PRKG1: variants seen among roughly 807,000 people sequenced by gnomAD.
PRKG1 encodes cGMP-dependent protein kinase 1.
PRKG1 carries 35 observed loss-of-function variants against 88.1 expected under a neutral mutation model. That is an observed-to-expected ratio of 0.40 (90% CI 0.30 to 0.53). The LOEUF is 0.53. Among genes scored for constraint, PRKG1 ranks in the 20% least tolerant of loss-of-function variants. The probability of loss-of-function intolerance (pLI) is 0.59; values close to 1 mark genes in which losing one functional copy is unlikely to be tolerated. For synonymous variants in PRKG1, 303 were observed against 292.5 expected, an observed-to-expected ratio of 1.04 and a Z score of -0.37; for missense variants, 540 against 839.8, an observed-to-expected ratio of 0.64 and a Z score of 4.41.
At chr10:51,759,135 T>C (rs1363336978) in intron 3 of PRKG1, among the ~76,000 whole-genome samples, 6 of 152,296 alleles carry the variant, frequency 3.9e-5, no homozygotes, top group Admixed American at 3.9e-4. Flanking sequence ...TTTGTTATTG[T>C]GAATAGTGCT....
At chr10:51,177,385 G>A (rs1837223094) in intron 2 of PRKG1, among the ~76,000 whole-genome samples, 1 of 152,118 alleles carries the variant, frequency 6.6e-6, no homozygotes, top group Non-Finnish European at 1.5e-5. Flanking sequence ...AACTACAAAT[G>A]TAAATATTTC....
chr10:51,478,197 C>T lies in PRKG1; in HGVS notation c.592+10361C>T, dbSNP rs569786794. On this transcript the variant is annotated intron_variant, in intron 3 of 17. Coordinates refer to ENST00000373980, the MANE Select transcript of PRKG1 (RefSeq NM_006258.4). ...GTATATCAAGGCTTTGGACAAATTA[C>T]GAATAGATGGCTATTGAGCATGCCT... Among the ~76,000 whole-genome samples, 313 of 152,112 alleles carry T rather than the reference C, an allele frequency of 2.1e-3. 2 individuals are homozygous for T. The highest frequency in any genetic ancestry group is 0.01 in the Middle Eastern group (3 of 294).
At chr10:51,747,264 G>A (rs1373656138) in intron 3 of PRKG1, among the ~76,000 whole-genome samples, 1 of 152,160 alleles carries the variant, frequency 6.6e-6, no homozygotes, top group African/African-American at 2.4e-5. Flanking sequence ...TGCCTAGTGT[G>A]AAAAAAGGTG....
At chr10:51,415,117 G>A (rs1320017198) in intron 2 of PRKG1, among the ~76,000 whole-genome samples, 1 of 152,186 alleles carries the variant, frequency 6.6e-6, no homozygotes, top group African/African-American at 2.4e-5. Flanking sequence ...CACAGTCAGC[G>A]TGATCAGTAG....
At chr10:51,317,276 A>G (rs1299685816) in intron 2 of PRKG1, among the ~76,000 whole-genome samples, 1 of 152,196 alleles carries the variant, frequency 6.6e-6, no homozygotes, top group Non-Finnish European at 1.5e-5. Context: ...CTTACAACCT[A>G]CATACTATAG....
At position 51,445,901 on chromosome 10, in the gene PRKG1, G is replaced by A. The variant is rs368270992; in HGVS notation, c.479-21822G>A. 1.3e-4 allele frequency among the ~76,000 whole-genome samples: 19 copies of A among 151,580 alleles called. 1 individual carries two copies. In the South Asian group the frequency reaches 3.3e-3, roughly 27 times the overall value. Reference sequence around the variant, plus strand: ...CTCATCTCTCTGAAGAAATATCTTCGCATTAACCTCTAAACCCTGCTCAAA... The same window carrying A: ...CTCATCTCTCTGAAGAAATATCTTCACATTAACCTCTAAACCCTGCTCAAA... On this transcript the variant is annotated intron_variant, in intron 2 of 17. Transcript: ENST00000373980.
intron 3 of PRKG1, among the ~76,000 whole-genome samples, chr10:51,627,739 T>G (rs923938784): frequency 2.6e-5 from 4 of 152,174 alleles, no homozygotes; most frequent in Non-Finnish European, 5.9e-5. Flanking sequence ...TCTAACTCAC[T>G]GTTTTTCTGA....
At chr10:52,164,162 C>T (rs1447010158) in intron 9 of PRKG1, among the ~76,000 whole-genome samples, 1 of 151,918 alleles carries the variant, frequency 6.6e-6, no homozygotes, top group Admixed American at 6.6e-5. Context: ...ACCAGCCTGG[C>T]CAACATGGTG....
intron 3 of PRKG1, among the ~76,000 whole-genome samples, chr10:51,484,234 A>G (rs372053462): frequency 9.9e-5 from 15 of 152,130 alleles, no homozygotes; most frequent in African/African-American, 2.4e-4. Flanking sequence ...ATAGTAAATT[A>G]TCAAGCCCGT....
chr10:51,775,687 C>T (rs1264382760), intron 3 of PRKG1, among the ~76,000 whole-genome samples: 10 of 151,862 alleles, frequency 6.6e-5, no homozygotes, highest in Admixed American at 5.3e-4. Flanking sequence ...CAGGTTCAAG[C>T]GATTCTCCTG....
intron 9 of PRKG1, among the ~76,000 whole-genome samples, chr10:52,193,915 A>G (rs964899500): frequency 6.6e-6 from 1 of 152,204 alleles, no homozygotes; most frequent in African/African-American, 2.4e-5. Context: ...AGTAGATTTT[A>G]TAAGATTTCT....
chr10:51,370,989 C>T (rs73330486), intron 2 of PRKG1, among the ~76,000 whole-genome samples: 2,449 of 152,212 alleles, frequency 0.016, 50 homozygotes, highest in African/African-American at 0.054. Context: ...GCCCTACACC[C>T]TCTATATTCC....
upstream of PRKG1, among the ~76,000 whole-genome samples, chr10:51,072,230 A>G (rs1843842862): frequency 6.6e-6 from 1 of 152,098 alleles, no homozygotes; most frequent in African/African-American, 2.4e-5. Context: ...AAAAAAAACA[A>G]AGAGAAAATC....
chr10:51,078,956 T>C (rs907577396), intron 1 of PRKG1, among the ~76,000 whole-genome samples: 2 of 152,160 alleles, frequency 1.3e-5, no homozygotes, highest in African/African-American at 4.8e-5. Context: ...AAGAGATTAT[T>C]TAATCTTTTA....
At chr10:51,188,967 G>A (rs1460239514) in intron 2 of PRKG1, among the ~76,000 whole-genome samples, 1 of 151,928 alleles carries the variant, frequency 6.6e-6, no homozygotes, top group African/African-American at 2.4e-5. Context: ...TCTCCCTTTT[G>A]TGGGAGAGGG....
chr10:51,253,153 G>C (rs567340338), intron 2 of PRKG1, among the ~76,000 whole-genome samples: 296 of 151,956 alleles, frequency 1.9e-3, no homozygotes, highest in African/African-American at 6.9e-3. Flanking sequence ...TAGAAATCAT[G>C]AAAGTATTCT....
intron 7 of PRKG1, among the ~76,000 whole-genome samples, chr10:52,102,477 A>G (rs1305795081): frequency 1.1e-4 from 16 of 152,016 alleles, no homozygotes; most frequent in Non-Finnish European, 7.4e-5. Context: ...GAAAGCCATC[A>G]AGCCCAAAAC....
intron 1 of PRKG1, among the ~76,000 whole-genome samples, chr10:51,036,448 C>T (rs757178152): frequency 6.6e-6 from 1 of 151,796 alleles, no homozygotes; most frequent in Non-Finnish European, 1.5e-5. Context: ...GGATATGAAG[C>T]TTGGGGTGAC....
chr10:52,180,412 G>T (rs925576274), intron 9 of PRKG1, among the ~76,000 whole-genome samples: 1 of 152,136 alleles, frequency 6.6e-6, no homozygotes, highest in Admixed American at 6.6e-5. Flanking sequence ...CATTTTGAAC[G>T]TTCATTTGGA....
Sources: gnomAD v4.1 joint callset for allele counts (sites outside exome capture counted in the v4.1 genomes callset) on GRCh38, gnomAD v4.1.1 for gene constraint, MANE v1.5 for transcripts, NCBI Gene and HGNC (gene_info 2026-07-23, HGNC 2026-07-21) for gene names.